The following MYT1L variants were observed in gnomAD, a reference collection of about 807,000 sequenced individuals.
MYT1L encodes the protein myelin transcription factor 1-like protein.
A neutral mutation model predicts 126.7 loss-of-function variants in MYT1L; 12 were observed. That is an observed-to-expected ratio of 0.09 (90% CI 0.06 to 0.15). The LOEUF (loss-of-function observed/expected upper bound fraction) is 0.15. MYT1L is among the 10% of genes least tolerant of loss of function. MYT1L has a pLI of 1.00. For missense variants in MYT1L, 979 were observed against 1,585.2 expected (o/e 0.62, Z 6.49); for synonymous variants, 541 against 604.2 (o/e 0.90, Z 1.53).
intron 3 of MYT1L, among the ~76,000 whole-genome samples, chr2:2,119,176 T>C (rs900685235): frequency 1.3e-5 from 2 of 152,234 alleles, no homozygotes; most frequent in African/African-American, 4.8e-5. Context: ...TGAAAACATG[T>C]TTGACCTGGC....
chr2:2,327,371 T>C (rs1212903773), intron 1 of MYT1L, among the ~76,000 whole-genome samples: 2 of 152,184 alleles, frequency 1.3e-5, no homozygotes, highest in African/African-American at 4.8e-5. Flanking sequence ...TACAGTATGA[T>C]GAAACTTAGC....
chr2:2,255,580 T>C (rs571622311), intron 2 of MYT1L, among the ~76,000 whole-genome samples: 2 of 152,336 alleles, frequency 1.3e-5, no homozygotes, highest in East Asian at 3.9e-4. Context: ...CAACTGGATT[T>C]TCAAAATATT....
At chr2:2,017,612 A>T (rs527698738) in intron 4 of MYT1L, among the ~76,000 whole-genome samples, 1 of 152,356 alleles carries the variant, frequency 6.6e-6, no homozygotes, top group African/African-American at 2.4e-5. Context: ...AACAAGTATT[A>T]TGAAGACTTT....
chr2:1,793,506 TCTC>T lies in MYT1L; in HGVS notation c.3277-1045_3277-1043del, dbSNP rs1266389154. Among the ~76,000 whole-genome samples, 2 of 152,154 alleles carry T rather than the reference TCTC, an allele frequency of 1.3e-5. No homozygotes were observed. The highest frequency in any genetic ancestry group is 2.9e-5 in the Non-Finnish European group (2 of 68,032). The stretch of plus-strand genomic sequence containing the variant: ...ATTCCTAAGTCCTCTCACGAGAGTC[TCTC>T]CTCCTCTCCCTGTCGGCCCTGCCTT... On this transcript the variant is annotated intron_variant, in intron 23 of 24. Transcript: ENST00000647738. The surrounding 1 kb of genome is among the most constrained non-coding windows in gnomAD (Gnocchi z 4.6).
At chr2:1,877,884 T>A (rs1018734355) in intron 18 of MYT1L, among the ~76,000 whole-genome samples, 3 of 152,122 alleles carry the variant, frequency 2.0e-5, no homozygotes, top group Non-Finnish European at 4.4e-5. Flanking sequence ...TCCCCCTCCG[T>A]GGACTAAGCT....
chr2:2,161,444 G>A (rs1254651812), intron 3 of MYT1L, among the ~76,000 whole-genome samples: 1 of 152,234 alleles, frequency 6.6e-6, no homozygotes, highest in Non-Finnish European at 1.5e-5. Flanking sequence ...CCTGCACGAG[G>A]AAGAATGGTC....
intron 3 of MYT1L, among the ~76,000 whole-genome samples, chr2:2,156,895 CAT>C (rs2086818334): frequency 6.6e-6 from 1 of 152,182 alleles, no homozygotes; most frequent in Non-Finnish European, 1.5e-5. Flanking sequence ...GAAAAATATA[CAT>C]GTTTTAATGG....
intron 2 of MYT1L, among the ~76,000 whole-genome samples, chr2:2,181,208 CTG>C (rs758142592): frequency 2.1e-4 from 32 of 150,738 alleles, no homozygotes; most frequent in South Asian, 4.2e-4. Flanking sequence ...TGCCGTGTAC[CTG>C]TGTTTGTGCC....
In MYT1L at chr2:2,054,529, G is replaced by A. The variant is rs534796359; in HGVS notation, c.-303-406C>T. 9.2e-5 allele frequency among the ~76,000 whole-genome samples: 14 copies of A among 151,996 alleles called. No individual in the cohort carries two copies. In the South Asian group the frequency reaches 2.7e-3, roughly 29 times the overall value. On this transcript the variant is annotated intron_variant, in intron 3 of 24. Transcript: ENST00000647738. ...TGAGACACAGAGATGAGATCCATGG[G>A]GATGATAAGACACGTGGAGATGAGA...
chr2:2,129,420 TG>T (rs1011393513), intron 3 of MYT1L, among the ~76,000 whole-genome samples: 28 of 152,124 alleles, frequency 1.8e-4, no homozygotes, highest in African/African-American at 6.5e-4. Flanking sequence ...AAAAACAGTT[TG>T]ATTGAAAAGA....
At chr2:1,835,351 A>G (rs564587319) in intron 21 of MYT1L, among the ~76,000 whole-genome samples, 1 of 152,196 alleles carries the variant, frequency 6.6e-6, no homozygotes, top group Non-Finnish European at 1.5e-5. Flanking sequence ...AAAAGTGTTG[A>G]ATATCTCATG....
intron 4 of MYT1L, among the ~76,000 whole-genome samples, chr2:2,028,300 C>T (rs949362626): frequency 1.3e-5 from 2 of 152,184 alleles, no homozygotes; most frequent in African/African-American, 4.8e-5. Flanking sequence ...GTGGAAAGAG[C>T]AGGAGGCTGT....
chr2:2,241,640 T>C (rs2094442603), intron 2 of MYT1L, among the ~76,000 whole-genome samples: 1 of 152,198 alleles, frequency 6.6e-6, no homozygotes, highest in African/African-American at 2.4e-5. Flanking sequence ...TGTTTTTGGA[T>C]TTTGGTGGGA....
At chr2:1,895,519 C>T (rs539511713) in intron 14 of MYT1L, among the ~76,000 whole-genome samples, 4 of 152,236 alleles carry the variant, frequency 2.6e-5, no homozygotes, top group African/African-American at 9.6e-5. Context: ...ACACACAGAC[C>T]AATGGAACAC....
intron 4 of MYT1L, among the ~76,000 whole-genome samples, chr2:2,051,161 C>G (rs538286737): frequency 6.6e-6 from 1 of 152,292 alleles, no homozygotes; most frequent in South Asian, 2.1e-4. Context: ...AACACCAAAC[C>G]TAAGCCATGG....
Position 1,979,153 on chromosome 2 carries a change from T to G in MYT1L, c.152+12A>C, listed in dbSNP as rs779776687. The G allele has an allele frequency of 6.2e-7, 1 of 1,606,908 alleles. No individual in the cohort carries two copies. The highest frequency in any genetic ancestry group is 1.3e-5 in the African/African-American group (1 of 74,264). On this transcript the variant is annotated intron_variant, in intron 8 of 24. Coordinates refer to ENST00000647738, the MANE Select transcript of MYT1L (RefSeq NM_001303052.2). The surrounding 1 kb of genome is among the most constrained non-coding windows in gnomAD (Gnocchi z 4.0). ...AGACAGCACATTGTGGAAAAAAAAA[T>G]GCAGGCATTACCTTCTGTGTCTTGC...
At chr2:1,855,806 A>G (rs1241852458) in intron 18 of MYT1L, among the ~76,000 whole-genome samples, 2 of 143,182 alleles carry the variant, frequency 1.4e-5, no homozygotes, top group Admixed American at 6.8e-5. Context: ...AATAGTCCTG[A>G]TCTTGCTTCA....
intron 1 of MYT1L, chr2:2,325,805 G>A (rs2096239745): frequency 6.6e-6 from 1 of 152,274 alleles, no homozygotes; most frequent in Non-Finnish European, 1.5e-5. Flanking sequence ...GCATTACACT[G>A]AAGGAGAAGC....
chr2:2,191,002 C>T (rs549733920), intron 2 of MYT1L, among the ~76,000 whole-genome samples: 127 of 152,314 alleles, frequency 8.3e-4, no homozygotes, highest in Admixed American at 1.6e-3. Context: ...TCAGGCAGGT[C>T]TCAAACTCCC....
Sources: allele counts gnomAD v4.1 joint callset (sites outside exome capture counted in the v4.1 genomes callset), GRCh38; gene constraint gnomAD v4.1.1; non-coding constraint Gnocchi (gnomAD v3.1); transcripts MANE v1.5; gene names NCBI Gene and HGNC (gene_info 2026-07-23, HGNC 2026-07-21).